Variants in GRAP2 observed in about 807,000 individuals in gnomAD.
GRAP2 encodes GRB2-related adapter protein 2.
In GRAP2, 31 loss-of-function variants were observed where a neutral mutation model predicts 43.5. That is an observed-to-expected ratio of 0.71 (90% CI 0.54 to 0.96). GRAP2 has a LOEUF of 0.96. Among genes scored for constraint, GRAP2 ranks in the 40% least tolerant of loss-of-function variants. The pLI, the probability that GRAP2 is intolerant of heterozygous loss-of-function variation, is 0.00. For missense variants in GRAP2, 371 were observed against 424.4 expected (o/e 0.87, Z 1.11); for synonymous variants, 156 against 164.8 (o/e 0.95, Z 0.41).
At chr22:39,944,762 G>A (rs1319629761) in intron 1 of GRAP2, among the ~76,000 whole-genome samples, 2 of 152,178 alleles carry the variant, frequency 1.3e-5, no homozygotes, top group Non-Finnish European at 2.9e-5. Context: ...ATGTCATGTT[G>A]GAAAGATCTT....
intron 4 of GRAP2, among the ~76,000 whole-genome samples, chr22:39,961,292 A>G (rs1206532339): frequency 6.6e-6 from 1 of 152,044 alleles, no homozygotes; most frequent in South Asian, 2.1e-4. Context: ...CAGGGGGAGA[A>G]AGAGGAGCGG....
chr22:39,904,112 G>A (rs971522268), intron 1 of GRAP2, among the ~76,000 whole-genome samples: 7 of 152,098 alleles, frequency 4.6e-5, no homozygotes, highest in South Asian at 2.1e-4. Context: ...AAGAACAGCC[G>A]GGCACAGTGG....
chr22:39,967,769 G>A (rs781047377), intron 5 of GRAP2, among the ~76,000 whole-genome samples: 7 of 152,136 alleles, frequency 4.6e-5, no homozygotes, highest in African/African-American at 9.7e-5. Flanking sequence ...AAAAACGAGC[G>A]CCCTGGAAAT....
intron 2 of GRAP2, chr22:39,948,354 G>A (rs967803401): frequency 8.6e-5 from 13 of 152,008 alleles, no homozygotes; most frequent in Non-Finnish European, 1.9e-4. Flanking sequence ...GAAGCTCCTG[G>A]AGGGACTTGC....
chr22:39,964,359 A>AG, intron 4 of GRAP2: 1 of 715,374 alleles, frequency 1.4e-6, no homozygotes, highest in African/African-American at 1.7e-5. Context: ...GGTCTGGGGA[A>AG]GGGGCGGCAG....
intron 1 of GRAP2, among the ~76,000 whole-genome samples, chr22:39,928,413 G>A (rs781451327): frequency 7.9e-5 from 12 of 152,166 alleles, no homozygotes; most frequent in Non-Finnish European, 1.0e-4. Context: ...ATATTCTCTC[G>A]TTGGCTTTTG....
At chr22:39,908,792 A>C (rs141163050) in intron 1 of GRAP2, among the ~76,000 whole-genome samples, 1 of 152,162 alleles carries the variant, frequency 6.6e-6, no homozygotes, top group African/African-American at 2.4e-5. Flanking sequence ...TTGTGCTTCA[A>C]ATTTTCTAAG....
intron 1 of GRAP2, among the ~76,000 whole-genome samples, chr22:39,941,229 A>T (rs1333329845): frequency 6.6e-6 from 1 of 152,198 alleles, no homozygotes; most frequent in Non-Finnish European, 1.5e-5. Context: ...AGAGAATCTA[A>T]GAAAAAATAA....
chr22:39,936,544 T>C (rs2066808218), intron 1 of GRAP2, among the ~76,000 whole-genome samples: 1 of 152,102 alleles, frequency 6.6e-6, no homozygotes, highest in Admixed American at 6.6e-5. Flanking sequence ...AGATACACTT[T>C]CTCTAACTGG....
Position 39,970,964 on chromosome 22 carries a change from G to A in GRAP2, c.873G>A (p.Gly291=), listed in dbSNP as rs375118803. 211 of 1,613,448 alleles carry A rather than the reference G, an allele frequency of 1.3e-4. No homozygotes were observed. Among genetic ancestry groups the A allele is most frequent in the Non-Finnish European group, 1.7e-4 (206 of 1,179,822 alleles). ...AGGCCCTGGAGGATGACGAGCTGGG[G>A]TTCCACAGCGGGGAGGTGGTGGAGG... The part of the protein sequence containing the change: ...DFEALEDDEL[G]FHSGEVVEVL... The change falls in exon 8 of 8, where the codon GGG becomes GGA. Residue 291 remains glycine, a synonymous_variant. Coordinates refer to ENST00000344138, the MANE Select transcript of GRAP2 (RefSeq NM_004810.4).
intron 2 of GRAP2, among the ~76,000 whole-genome samples, chr22:39,951,786 C>A (rs150875782): frequency 1.3e-5 from 2 of 152,192 alleles, no homozygotes; most frequent in South Asian, 2.1e-4. Flanking sequence ...AAATACTTTT[C>A]TTTGCAGAAA....
intron 1 of GRAP2, among the ~76,000 whole-genome samples, chr22:39,942,140 A>G (rs1488803887): frequency 6.6e-6 from 1 of 152,188 alleles, no homozygotes; most frequent in African/African-American, 2.4e-5. Context: ...CCATTTACAA[A>G]TACTCTATTC....
rs932891233 is a variant in GRAP2 at position 39,944,141 on chromosome 22, T to C, written c.-14-2952T>C. Among the ~76,000 whole-genome samples, 6 of 152,216 alleles carry C rather than the reference T, an allele frequency of 3.9e-5. 1 individual carries two copies. Among genetic ancestry groups the C allele is most frequent in the Non-Finnish European group, 8.8e-5 (6 of 68,040 alleles). ...CTAAATTGTTGCTACCCAGTTTATA[T>C]CTGCATCATATTTTTTGTTGTTGTT... On this transcript the variant is annotated intron_variant, in intron 1 of 7. Coordinates refer to ENST00000344138, the MANE Select transcript of GRAP2 (RefSeq NM_004810.4).
rs57352171 is a variant in GRAP2 at position 39,968,914 on chromosome 22, C to T, written c.691-497C>T. Among the ~76,000 whole-genome samples the T allele has an allele frequency of 4.5e-3, 681 of 152,334 alleles. 11 individuals are homozygous for T. Among genetic ancestry groups the T allele is most frequent in the African/African-American group, 0.016 (658 of 41,564 alleles). ...TGGTCCATTGCGTTTCCTCTCATGC[C>T]TTTGTGGCGTTTTATATGCTGATCT... On this transcript the variant is annotated intron_variant, in intron 6 of 7. Coordinates refer to ENST00000344138, the MANE Select transcript of GRAP2 (RefSeq NM_004810.4).
chr22:39,951,770 C>G (rs1473507350), intron 2 of GRAP2, among the ~76,000 whole-genome samples: 1 of 152,100 alleles, frequency 6.6e-6, no homozygotes, highest in African/African-American at 2.4e-5. Flanking sequence ...CATCTCCCCT[C>G]CCCTCAAATA....
At chr22:39,909,966 T>G (rs911967203) in intron 1 of GRAP2, among the ~76,000 whole-genome samples, 81 of 152,320 alleles carry the variant, frequency 5.3e-4, no homozygotes, top group African/African-American at 1.9e-3. Context: ...ATCCAGAAAC[T>G]AAACTTCTGC....
At chr22:39,926,252 A>T (rs1483249039) in intron 1 of GRAP2, among the ~76,000 whole-genome samples, 1 of 152,198 alleles carries the variant, frequency 6.6e-6, no homozygotes, top group Non-Finnish European at 1.5e-5. Flanking sequence ...TTATAATTGA[A>T]TTGGCGCTGT....
In GRAP2 at chr22:39,973,317, A is replaced by ATT. The variant is rs1261007328; in HGVS notation, c.*2234_*2235insTT. On this transcript the variant is annotated 3_prime_UTR_variant, in exon 8 of 8. Transcript: ENST00000344138. The stretch of plus-strand genomic sequence containing the variant: ...TGAAAGGCTTCTCAGGAAAGCAGTA[A>ATT]TAAAACAAAGTGTCCTTGTTTGGCC... The ATT allele has an allele frequency of 6.6e-6, 1 of 152,206 alleles. No individual in the cohort carries two copies. The highest frequency in any genetic ancestry group is 1.5e-5 in the Non-Finnish European group (1 of 68,042). 9.4% of individuals were successfully genotyped at this position (152,206 alleles called of 1,614,324 possible).
In GRAP2 at chr22:39,910,980, A is replaced by G. The variant is rs144401707; in HGVS notation, c.-15+9650A>G. 3.4e-3 allele frequency among the ~76,000 whole-genome samples: 522 copies of G among 152,302 alleles called. 4 individuals are homozygous for G. The highest frequency in any genetic ancestry group is 0.01 in the Admixed American group (160 of 15,304). ...CATAAATTCTCTGCAACCGTGGATG[A>G]ATCTGCATCCTTAGACAAACTAGTG... On this transcript the variant is annotated intron_variant, in intron 1 of 7. Coordinates refer to ENST00000344138, the MANE Select transcript of GRAP2 (RefSeq NM_004810.4).
Sources: allele counts gnomAD v4.1 joint callset (sites outside exome capture counted in the v4.1 genomes callset), GRCh38; gene constraint gnomAD v4.1.1; transcripts MANE v1.5; gene names NCBI Gene and HGNC (gene_info 2026-07-23, HGNC 2026-07-21).